GNG2: variants seen among roughly 807,000 people sequenced by gnomAD.
The protein encoded by GNG2 is G protein subunit gamma 2.
In GNG2, 5 loss-of-function variants were observed where a neutral mutation model predicts 5.5. The ratio of observed to expected loss-of-function variants is 0.91; its 90% CI spans 0.48 to 1.92. The LOEUF (loss-of-function observed/expected upper bound fraction) is 1.92. Ranked by LOEUF, GNG2 falls within the 30% of genes most tolerant of loss-of-function variation. The probability of loss-of-function intolerance (pLI) is 0.01; values close to 1 mark genes in which losing one functional copy is unlikely to be tolerated. For missense variants in GNG2, 55 were observed against 88.4 expected (o/e 0.62, Z 1.52); for synonymous variants, 28 against 32.0 (o/e 0.88, Z 0.42).
rs1352627873 is a variant in GNG2 at position 51,968,163 on chromosome 14, G to C, written c.*1476G>C. The C allele has an allele frequency of 6.6e-6, 1 of 152,132 alleles. No individual in the cohort carries two copies. The highest frequency in any genetic ancestry group is 1.5e-5 in the Non-Finnish European group (1 of 68,026). The allele number at this position is 152,132 out of a possible 1,614,324, so 9.4% of individuals were successfully genotyped here. ...AGCGCTCCTTCCCCAAGATATGGTA[G>C]TGAGAGTAATTTTTCATTGTAGCTG... On this transcript the variant is annotated 3_prime_UTR_variant, in exon 4 of 4. Transcript: ENST00000556766.
chr14:51,908,371 AG>A (rs1886068445), intron 2 of GNG2, among the ~76,000 whole-genome samples: 1 of 152,204 alleles, frequency 6.6e-6, no homozygotes, highest in African/African-American at 2.4e-5. Flanking sequence ...ATACCAGGGC[AG>A]GGTTTATTGC....
At chr14:51,896,159 T>C (rs1885178800) in intron 2 of GNG2, among the ~76,000 whole-genome samples, 1 of 152,210 alleles carries the variant, frequency 6.6e-6, no homozygotes, top group Non-Finnish European at 1.5e-5. Flanking sequence ...GCTGTCAAGA[T>C]GGGATACTAA....
At chr14:51,920,387 CAATAT>C (rs1191473056) in intron 2 of GNG2, among the ~76,000 whole-genome samples, 3 of 150,788 alleles carry the variant, frequency 2.0e-5, no homozygotes, top group African/African-American at 4.9e-5. Flanking sequence ...ATACCTAATA[CAATAT>C]AAGTAAATAG....
At chr14:51,924,001 T>C (rs1330135253) in intron 2 of GNG2, among the ~76,000 whole-genome samples, 2 of 152,212 alleles carry the variant, frequency 1.3e-5, no homozygotes, top group Non-Finnish European at 2.9e-5. Context: ...TCTGTAGTTA[T>C]AAAATTATGA....
chr14:51,927,104 A>C (rs988268751), intron 2 of GNG2, among the ~76,000 whole-genome samples: 5 of 152,248 alleles, frequency 3.3e-5, no homozygotes, highest in African/African-American at 1.2e-4. Flanking sequence ...CTTCCAATTC[A>C]CGTTTTCTTT....
chr14:51,893,001 G>A (rs1884959645), intron 2 of GNG2, among the ~76,000 whole-genome samples: 1 of 152,284 alleles, frequency 6.6e-6, no homozygotes, highest in African/African-American at 2.4e-5. Flanking sequence ...ACAGATTCAT[G>A]TTAATGATTA....
intron 2 of GNG2, among the ~76,000 whole-genome samples, chr14:51,831,859 T>A (rs1594827899): frequency 1.3e-5 from 2 of 152,208 alleles, no homozygotes; most frequent in South Asian, 2.1e-4. Flanking sequence ...AAATACATTA[T>A]AAAATATGCA....
At chr14:51,927,792 G>A (rs536256740) in intron 2 of GNG2, among the ~76,000 whole-genome samples, 21 of 152,172 alleles carry the variant, frequency 1.4e-4, no homozygotes, top group African/African-American at 2.9e-4. Flanking sequence ...CTACCTAGAT[G>A]TTTAGAAACA....
In GNG2 at chr14:51,960,982, C is replaced by T; in HGVS notation, c.88-5577C>T. ...CCAGAGGCCTTAAGAGCTTTCTCTCCCCTAGTGTAATTCTTTCTTCTCTGC... is the reference window on the plus strand; with the variant it reads ...CCAGAGGCCTTAAGAGCTTTCTCTCTCCTAGTGTAATTCTTTCTTCTCTGC... On this transcript the variant is annotated intron_variant, in intron 3 of 3. Transcript: ENST00000556766. Among the ~76,000 whole-genome samples, 2 of 152,132 alleles carry T rather than the reference C, an allele frequency of 1.3e-5. 1 individual carries two copies.
chr14:51,883,756 C>A (rs1884256081), intron 2 of GNG2, among the ~76,000 whole-genome samples: 1 of 151,942 alleles, frequency 6.6e-6, no homozygotes, highest in South Asian at 2.1e-4. Context: ...TAAGCACAAA[C>A]TTATTGAAAG....
intron 2 of GNG2, among the ~76,000 whole-genome samples, chr14:51,837,646 CAAA>C (rs35065027): frequency 4.1e-5 from 5 of 123,100 alleles, no homozygotes; most frequent in Admixed American, 1.7e-4. Context: ...GACTCCGTTT[CAAA>C]AAAAAAAAAA....
intron 2 of GNG2, among the ~76,000 whole-genome samples, chr14:51,880,363 TAAC>T (rs1335545817): frequency 2.6e-5 from 4 of 152,138 alleles, no homozygotes; most frequent in African/African-American, 7.2e-5. Flanking sequence ...GAGGAAAAAA[TAAC>T]ATAATAATAC....
intron 2 of GNG2, among the ~76,000 whole-genome samples, chr14:51,882,887 G>A (rs541599758): frequency 2.6e-5 from 4 of 151,920 alleles, no homozygotes; most frequent in Admixed American, 1.3e-4. Context: ...GCACATGCCT[G>A]TAGTCCCAGC....
chr14:51,915,274 G>A (rs1413852095), intron 2 of GNG2, among the ~76,000 whole-genome samples: 1 of 152,196 alleles, frequency 6.6e-6, no homozygotes, highest in Non-Finnish European at 1.5e-5. Flanking sequence ...GATAAGGATG[G>A]CAGCTTTGGA....
chr14:51,879,963 G>A (rs1883933794), intron 2 of GNG2, among the ~76,000 whole-genome samples: 1 of 152,150 alleles, frequency 6.6e-6, no homozygotes, highest in Non-Finnish European at 1.5e-5. Flanking sequence ...AATGCTTCAG[G>A]TAGCAGACCA....
intron 2 of GNG2, among the ~76,000 whole-genome samples, chr14:51,835,200 G>A (rs918438158): frequency 6.6e-6 from 1 of 152,184 alleles, no homozygotes; most frequent in African/African-American, 2.4e-5. Flanking sequence ...AACAATTACT[G>A]TAAGAAGCAA....
At chr14:51,895,805 G>A (rs547136155) in intron 2 of GNG2, among the ~76,000 whole-genome samples, 7 of 152,268 alleles carry the variant, frequency 4.6e-5, no homozygotes, top group African/African-American at 1.2e-4. Context: ...ATTATGGGGC[G>A]GGTCTTTCCT....
chr14:51,889,050 A>T (rs1265737491), intron 2 of GNG2, among the ~76,000 whole-genome samples: 1 of 151,842 alleles, frequency 6.6e-6, no homozygotes, highest in East Asian at 1.9e-4. Flanking sequence ...TAGTGGTTTC[A>T]GACTGGGGGA....
At chr14:51,881,560 C>T (rs550957244) in intron 2 of GNG2, among the ~76,000 whole-genome samples, 1 of 152,260 alleles carries the variant, frequency 6.6e-6, no homozygotes, top group Admixed American at 6.5e-5. Context: ...GGGGCCTCAT[C>T]CCTTACATTT....
Sources: gnomAD v4.1 joint callset for allele counts (sites outside exome capture counted in the v4.1 genomes callset) on GRCh38, gnomAD v4.1.1 for gene constraint, MANE v1.5 for transcripts, NCBI Gene and HGNC (gene_info 2026-07-23, HGNC 2026-07-21) for gene names.